Variants in KPNA1 observed in about 807,000 individuals in gnomAD.
KPNA1 encodes karyopherin subunit alpha 1.
Under a neutral mutation model 70.5 loss-of-function variants are expected in KPNA1, and 10 were observed. The observed-to-expected ratio is 0.14, with a 90% CI of 0.09 to 0.24. KPNA1 has a LOEUF of 0.24. Ranked by LOEUF, KPNA1 falls within the 10% of genes least tolerant of loss-of-function variation. The pLI, the probability that KPNA1 is intolerant of heterozygous loss-of-function variation, is 1.00. For synonymous variants in KPNA1, 192 were observed against 221.9 expected, an observed-to-expected ratio of 0.87 and a Z score of 1.20; for missense variants, 397 against 637.9, an observed-to-expected ratio of 0.62 and a Z score of 4.07.
intron 2 of KPNA1, among the ~76,000 whole-genome samples, chr3:122,486,715 G>A (rs956782668): frequency 7.2e-5 from 11 of 152,012 alleles, no homozygotes; most frequent in African/African-American, 2.4e-4. Flanking sequence ...AGCCTCCCAA[G>A]TAGCTGGGAC....
chr3:122,504,584 T>G (rs1356310887), intron 1 of KPNA1, among the ~76,000 whole-genome samples: 1 of 152,220 alleles, frequency 6.6e-6, no homozygotes, highest in Admixed American at 6.5e-5. Flanking sequence ...ACGGAAACCC[T>G]GTACTTTCCA....
chr3:122,452,240 TTATTAAAGGAAAGAA>T (rs2076209811), intron 6 of KPNA1, among the ~76,000 whole-genome samples, 176 bp from the exon 7 acceptor site: 2 of 152,116 alleles, frequency 1.3e-5, no homozygotes, highest in Non-Finnish European at 2.9e-5. Flanking sequence ...GGTATTCGGT[TTATTAAAGGAAAGAA>T]CTAATTCATT....
intron 5 of KPNA1, chr3:122,457,707 A>C (rs1463994167): frequency 1.6e-6 from 2 of 1,278,920 alleles, no homozygotes; most frequent in Non-Finnish European, 2.0e-6. Flanking sequence ...TGAGAATCCA[A>C]AGCTGAAGTA....
intron 12 of KPNA1, among the ~76,000 whole-genome samples, chr3:122,430,045 G>A (rs114960899): frequency 0.017 from 2,539 of 151,890 alleles, 42 homozygotes; most frequent in Non-Finnish European, 0.029. Context: ...ATCCACTGCT[G>A]AATATCTCAA....
At chr3:122,437,077 G>A (rs2075999484) in intron 11 of KPNA1, 93 bp downstream of exon 11, 3 of 1,352,980 alleles carry the variant, frequency 2.2e-6, no homozygotes, top group Admixed American at 4.1e-5. Flanking sequence ...ACCGCACCCA[G>A]CCAAAAACAA....
At chr3:122,430,695 AGTCAACTGATC>A (rs2075892889) in intron 12 of KPNA1, among the ~76,000 whole-genome samples, 1 of 152,232 alleles carries the variant, frequency 6.6e-6, no homozygotes. Context: ...GCACAAAAAC[AGTCAACTGATC>A]TTTAACAGAA....
chr3:122,474,600 G>A (rs1037398796), intron 2 of KPNA1, among the ~76,000 whole-genome samples: 17 of 151,992 alleles, frequency 1.1e-4, no homozygotes, highest in African/African-American at 3.6e-4. Context: ...TTCAATAAAC[G>A]GTGCTGGAGT....
chr3:122,500,838 T>C (rs2076820433), intron 1 of KPNA1, among the ~76,000 whole-genome samples: 2 of 151,966 alleles, frequency 1.3e-5, no homozygotes, highest in Admixed American at 1.3e-4. Flanking sequence ...TCAATCTAGC[T>C]AAAAGTTTGT....
rs2075790789 is a variant in KPNA1 at position 122,424,110 on chromosome 3, C to T, written c.*2875G>A. 1 of 151,982 alleles carries T rather than the reference C, an allele frequency of 6.6e-6. No homozygotes were observed. Among genetic ancestry groups the T allele is most frequent in the Admixed American group, 6.6e-5 (1 of 15,266 alleles). 9.4% of individuals were successfully genotyped at this position (151,982 alleles called of 1,614,324 possible). On this transcript the variant is annotated 3_prime_UTR_variant, in exon 14 of 14. Transcript: ENST00000344337. ...CCAAAATTCTCTTAATGCTTTTTTT[C>T]CCCCACCAAAGTTCTCATTACAAAT...
intron 2 of KPNA1, among the ~76,000 whole-genome samples, chr3:122,480,482 TAAAC>T (rs1235710914): frequency 1.9e-4 from 29 of 151,030 alleles, no homozygotes; most frequent in Non-Finnish European, 3.7e-4. Flanking sequence ...AATAGTGAAA[TAAAC>T]TTTTTTCAGA....
chr3:122,492,577 C>A (rs1481105707), intron 2 of KPNA1, among the ~76,000 whole-genome samples: 1 of 152,100 alleles, frequency 6.6e-6, no homozygotes, highest in Non-Finnish European at 1.5e-5. Flanking sequence ...CTTCAACATC[C>A]AATGTAAATT....
chr3:122,477,729 G>A (rs543009143), intron 2 of KPNA1, among the ~76,000 whole-genome samples: 5 of 152,080 alleles, frequency 3.3e-5, no homozygotes, highest in Non-Finnish European at 7.4e-5. Flanking sequence ...AACACAAAAT[G>A]ATAGGTATAT....
intron 2 of KPNA1, among the ~76,000 whole-genome samples, chr3:122,474,627 A>T (rs1454297951): frequency 6.6e-6 from 1 of 152,178 alleles, no homozygotes; most frequent in Non-Finnish European, 1.5e-5. Flanking sequence ...AAACACTAAC[A>T]AAATTCAACA....
chr3:122,501,959 A>G (rs985955612), intron 1 of KPNA1, among the ~76,000 whole-genome samples: 7 of 152,206 alleles, frequency 4.6e-5, no homozygotes, highest in Admixed American at 4.6e-4. Context: ...TTTACTGGGT[A>G]GTGGGTCAGC....
intron 3 of KPNA1, among the ~76,000 whole-genome samples, chr3:122,465,766 G>C (rs2076373224): frequency 6.6e-6 from 1 of 152,254 alleles, no homozygotes; most frequent in Non-Finnish European, 1.5e-5. Context: ...GCTGGGGGTA[G>C]TGGCGCACGC....
chr3:122,447,065 A>T (rs2107732628), intron 9 of KPNA1, among the ~76,000 whole-genome samples: 1 of 152,324 alleles, frequency 6.6e-6, no homozygotes, highest in East Asian at 1.9e-4. Context: ...GACCAGATGG[A>T]TTCACAGCCA....
chr3:122,485,055 G>C (rs1217973361), intron 2 of KPNA1, among the ~76,000 whole-genome samples: 5 of 152,138 alleles, frequency 3.3e-5, no homozygotes, highest in African/African-American at 9.6e-5. Flanking sequence ...ATGCTAATTA[G>C]TTTTGTTGTT....
chr3:122,458,774 T>C (rs1376033719), intron 5 of KPNA1, among the ~76,000 whole-genome samples: 1 of 152,208 alleles, frequency 6.6e-6, no homozygotes, highest in Non-Finnish European at 1.5e-5. Context: ...GAAAGCATGG[T>C]AGATCATCAA....
intron 1 of KPNA1, among the ~76,000 whole-genome samples, chr3:122,514,095 C>A (rs764324531): frequency 2.0e-5 from 3 of 152,210 alleles, no homozygotes; most frequent in Non-Finnish European, 4.4e-5. Flanking sequence ...CTGCTTCCCT[C>A]GCATCGCACA....
Sources: allele counts gnomAD v4.1 joint callset (sites outside exome capture counted in the v4.1 genomes callset), GRCh38; gene constraint gnomAD v4.1.1; transcripts MANE v1.5; gene names NCBI Gene and HGNC (gene_info 2026-07-23, HGNC 2026-07-21).